ASTN2: variants seen among roughly 807,000 people sequenced by gnomAD.
The protein encoded by ASTN2 is astrotactin 2, also known as astrotactin-2.
In ASTN2, 54 loss-of-function variants were observed where a neutral mutation model predicts 139.8. The ratio of observed to expected loss-of-function variants is 0.39; its 90% CI spans 0.31 to 0.48. ASTN2 has a LOEUF of 0.48. Among genes scored for constraint, ASTN2 ranks in the 20% least tolerant of loss-of-function variants. The pLI is 0.95. For synonymous variants in ASTN2, 756 were observed against 719.5 expected (o/e 1.05, Z -0.81); for missense variants, 1,565 against 1,725.1 (o/e 0.91, Z 1.64).
At position 116,707,109 on chromosome 9, in the gene ASTN2, C is replaced by T. The variant is rs142598299; in HGVS notation, c.2806+18662G>A. ...GGTGTTGCCCTCATTGTATGGCGTA[C>T]TCAAAAGAAACAGTCATACCCTATG... is the stretch of plus-strand genomic sequence containing the variant. On this transcript the variant is annotated intron_variant, in intron 16 of 22. Coordinates refer to ENST00000313400, the MANE Select transcript of ASTN2 (RefSeq NM_001365068.1). Among the ~76,000 whole-genome samples, 324 of 151,658 alleles carry T rather than the reference C, an allele frequency of 2.1e-3. 1 individual carries two copies. Among genetic ancestry groups the T allele is most frequent in the African/African-American group, 7.6e-3 (314 of 41,326 alleles).
intron 11 of ASTN2, among the ~76,000 whole-genome samples, chr9:116,851,495 T>TATCC (rs1564304636): frequency 6.7e-6 from 1 of 150,232 alleles, no homozygotes. Flanking sequence ...TCTATCTATC[T>TATCC]ATCTATCTAT....
At chr9:116,752,398 G>T (rs1026432459) in intron 13 of ASTN2, among the ~76,000 whole-genome samples, 1 of 152,162 alleles carries the variant, frequency 6.6e-6, no homozygotes, top group South Asian at 2.1e-4. Context: ...CAAAATTATT[G>T]TAAGTCTAAA....
chr9:116,832,441 C>G (rs996861335), intron 11 of ASTN2, among the ~76,000 whole-genome samples: 1 of 151,946 alleles, frequency 6.6e-6, no homozygotes, highest in African/African-American at 2.4e-5. Flanking sequence ...TGTCTCTGAC[C>G]TTTTGGAGAA....
rs1416064301 is a variant in ASTN2, at chr9:117,004,827, G to A, written c.1591+3265C>T. Among the ~76,000 whole-genome samples, 6 of 152,272 alleles carry A rather than the reference G, an allele frequency of 3.9e-5. No homozygotes were observed. The South Asian group carries it at 8.3e-4, about 21-fold the overall frequency. ...AAGGAAACCTGAGGTTCTAATCCTG[G>A]CTTCACTTGTAACTTGCTTTGAAAC... is the stretch of plus-strand genomic sequence containing the variant. On this transcript the variant is annotated intron_variant, in intron 7 of 22. Transcript: ENST00000313400.
chr9:117,368,662 G>C (rs138476897), intron 1 of ASTN2, among the ~76,000 whole-genome samples: 1 of 151,962 alleles, frequency 6.6e-6, no homozygotes. Flanking sequence ...TATACTATTC[G>C]TCAGAACTCC....
At chr9:116,555,521 C>T (rs911526358) in intron 19 of ASTN2, among the ~76,000 whole-genome samples, 3 of 152,098 alleles carry the variant, frequency 2.0e-5, no homozygotes, top group Non-Finnish European at 2.9e-5. Flanking sequence ...CGACTCTGTG[C>T]GGTCCACCTC....
intron 7 of ASTN2, among the ~76,000 whole-genome samples, chr9:116,990,373 TCTCCTGCCTCCG>T (rs1469294880): frequency 3.4e-5 from 1 of 29,198 alleles, no homozygotes; most frequent in Non-Finnish European, 3.9e-4. Context: ...TTCAAGCGAT[TCTCCTGCCTCCG>T]CCTCCCGAGT....
chr9:117,405,083 G>C (rs1830943650), intron 1 of ASTN2, among the ~76,000 whole-genome samples: 2 of 152,290 alleles, frequency 1.3e-5, no homozygotes, highest in Admixed American at 1.3e-4. Context: ...GTCAGCTCCT[G>C]GCAGCACAGA....
chr9:116,780,147 G>T (rs964038485), intron 13 of ASTN2, among the ~76,000 whole-genome samples: 1 of 152,156 alleles, frequency 6.6e-6, no homozygotes, highest in Non-Finnish European at 1.5e-5. Context: ...CTGCTCTTGA[G>T]AAATTCACAA....
At position 116,806,668 on chromosome 9, in the gene ASTN2, C is replaced by A. The variant is rs184259073; in HGVS notation, c.2208-848G>T. ...ACAAATGCCATTTTTCTCCTTGTGA[C>A]CTATATGAACATGAGTGAGTCATTT... On this transcript the variant is annotated intron_variant, in intron 12 of 22. Coordinates refer to ENST00000313400, the MANE Select transcript of ASTN2 (RefSeq NM_001365068.1). Among the ~76,000 whole-genome samples, 511 of 152,196 alleles carry A rather than the reference C, an allele frequency of 3.4e-3. 4 individuals are homozygous for A. Among genetic ancestry groups the A allele is most frequent in the Admixed American group, 9.1e-3 (139 of 15,278 alleles).
At chr9:116,621,317 G>C (rs564650015) in intron 17 of ASTN2, among the ~76,000 whole-genome samples, 13 of 152,200 alleles carry the variant, frequency 8.5e-5, no homozygotes, top group African/African-American at 3.1e-4. Context: ...TAGCAGGCTA[G>C]ATTAGGTCTG....
chr9:116,802,083 CTTT>C (rs796156202), intron 13 of ASTN2, among the ~76,000 whole-genome samples: 2,266 of 121,508 alleles, frequency 0.019, 16 homozygotes, highest in East Asian at 0.023. Flanking sequence ...TTCTTTCTTT[CTTT>C]TTTTTTTTTT....
rs1847230995 is a variant in ASTN2 at position 116,423,206 on chromosome 9, A to G, written c.*2645T>C. On this transcript the variant is annotated 3_prime_UTR_variant, in exon 23 of 23. Coordinates refer to ENST00000313400, the MANE Select transcript of ASTN2 (RefSeq NM_001365068.1). Reference sequence around the variant, plus strand: ...CTGCCCAAGACTCACAGTATTATGCATATTGTCTCCATCAGGAGAAAAAAT... The same window carrying G: ...CTGCCCAAGACTCACAGTATTATGCGTATTGTCTCCATCAGGAGAAAAAAT... 2.6e-5 allele frequency among the ~76,000 whole-genome samples: 4 copies of G among 152,186 alleles called. No homozygotes were observed. The highest frequency in any genetic ancestry group is 2.6e-4 in the Admixed American group (4 of 15,274).
chr9:116,425,180 G>A lies in ASTN2; in HGVS notation c.*671C>T, dbSNP rs1507909. The A allele has an allele frequency of 0.26, 60,897 of 232,414 alleles. 8,944 individuals are homozygous for A. Among genetic ancestry groups the A allele is most frequent in the East Asian group, 0.54 (3,803 of 7,076 alleles). 14.4% of individuals were successfully genotyped at this position (232,414 alleles called of 1,614,324 possible). ...GATACTCAATAAGTGAATAAACAGAGGTCTCTCAAGCACATTCCCTTGGTA... is the reference window on the plus strand; with the variant it reads ...GATACTCAATAAGTGAATAAACAGAAGTCTCTCAAGCACATTCCCTTGGTA... On this transcript the variant is annotated 3_prime_UTR_variant, in exon 23 of 23. Coordinates refer to ENST00000313400, the MANE Select transcript of ASTN2 (RefSeq NM_001365068.1).
intron 2 of ASTN2, among the ~76,000 whole-genome samples, chr9:117,220,806 C>A (rs889864476): frequency 6.6e-6 from 1 of 152,130 alleles, no homozygotes; most frequent in African/African-American, 2.4e-5. Flanking sequence ...AAATGGAAGC[C>A]CCAAGAAACT....
intron 4 of ASTN2, among the ~76,000 whole-genome samples, chr9:117,117,593 G>C (rs1405236783): frequency 6.6e-6 from 1 of 152,184 alleles, no homozygotes; most frequent in African/African-American, 2.4e-5. Flanking sequence ...GTGTTGGCTA[G>C]AAGGAATAAA....
intron 5 of ASTN2, among the ~76,000 whole-genome samples, chr9:117,042,832 A>G (rs1838618946): frequency 6.6e-6 from 1 of 152,070 alleles, no homozygotes; most frequent in Admixed American, 6.6e-5. Flanking sequence ...AACACTTAAC[A>G]GCAGCACTGG....
At chr9:116,760,228 G>T (rs954349033) in intron 13 of ASTN2, among the ~76,000 whole-genome samples, 3 of 152,180 alleles carry the variant, frequency 2.0e-5, no homozygotes, top group Non-Finnish European at 4.4e-5. Context: ...CAAAGTGCCA[G>T]CTTTTGCCAC....
At chr9:116,750,545 T>TCC (rs888849403) in intron 13 of ASTN2, among the ~76,000 whole-genome samples, 1 of 150,976 alleles carries the variant, frequency 6.6e-6, no homozygotes, top group African/African-American at 2.4e-5. Flanking sequence ...CCTTGTTCAC[T>TCC]CTCTCTCTCT....
Sources: allele counts gnomAD v4.1 joint callset (sites outside exome capture counted in the v4.1 genomes callset), GRCh38; gene constraint gnomAD v4.1.1; transcripts MANE v1.5; gene names NCBI Gene and HGNC (gene_info 2026-07-23, HGNC 2026-07-21).